The following PTPRD variants were observed in gnomAD, a reference collection of about 807,000 sequenced individuals.
PTPRD encodes the protein protein tyrosine phosphatase receptor type D, also known as receptor-type tyrosine-protein phosphatase delta.
In PTPRD, 34 loss-of-function variants were observed where a neutral mutation model predicts 214.5. That is an observed-to-expected ratio of 0.16 (90% CI 0.12 to 0.21). PTPRD has a LOEUF of 0.21. Ranked by LOEUF, PTPRD falls within the 10% of genes least tolerant of loss-of-function variation. The pLI is 1.00. For synonymous variants in PTPRD, 1,128 were observed against 845.7 expected (o/e 1.33, Z -5.79); for missense variants, 2,545 against 2,398.7 (o/e 1.06, Z -1.27).
At chr9:8,818,722 C>T (rs2096976143) in intron 11 of PTPRD, among the ~76,000 whole-genome samples, 3 of 152,190 alleles carry the variant, frequency 2.0e-5, no homozygotes, top group African/African-American at 7.2e-5. Flanking sequence ...GCTTCTTACG[C>T]ACATATTTAA....
intron 7 of PTPRD, among the ~76,000 whole-genome samples, 197 bp from the exon 8 acceptor site, chr9:9,574,978 T>G (rs2087933827): frequency 6.6e-6 from 1 of 152,164 alleles, no homozygotes; most frequent in African/African-American, 2.4e-5. Context: ...ATCAAAGTAT[T>G]GTGATTTGGG....
rs199801292 is a variant in PTPRD at position 10,141,359 on chromosome 9, C to G, written c.-544-107569G>C. On this transcript the variant is annotated intron_variant, in intron 3 of 45. Coordinates refer to ENST00000381196, the MANE Select transcript of PTPRD (RefSeq NM_002839.4). The stretch of plus-strand genomic sequence containing the variant: ...TTGTATATCTAGAAAACCCCATTGT[C>G]TCAGCCCAAAATCTCCTTAAGCTGA... Among the ~76,000 whole-genome samples, 206 of 152,216 alleles carry G rather than the reference C, an allele frequency of 1.4e-3. 4 individuals carry two copies. The East Asian group carries it at 0.038, about 28-fold the overall frequency.
chr9:10,285,839 G>A (rs1397283910), intron 3 of PTPRD, among the ~76,000 whole-genome samples: 1 of 151,794 alleles, frequency 6.6e-6, no homozygotes, highest in Admixed American at 6.6e-5. Context: ...TCGATCTCCT[G>A]ACCTCGCGAT....
At chr9:8,920,961 A>G (rs997649349) in intron 11 of PTPRD, among the ~76,000 whole-genome samples, 1 of 152,076 alleles carries the variant, frequency 6.6e-6, no homozygotes, top group Non-Finnish European at 1.5e-5. Flanking sequence ...TTACAGACGC[A>G]CGCCCCCACG....
chr9:10,007,575 C>A (rs973635168), intron 4 of PTPRD, among the ~76,000 whole-genome samples: 2 of 151,878 alleles, frequency 1.3e-5, no homozygotes, highest in Admixed American at 1.3e-4. Context: ...CTCACGAATG[C>A]CTTCTGGTCA....
intron 5 of PTPRD, among the ~76,000 whole-genome samples, chr9:9,784,680 T>A (rs1292856083): frequency 6.6e-6 from 1 of 151,944 alleles, no homozygotes. Context: ...TGTTCATTAG[T>A]GGAACTGTGC....
intron 10 of PTPRD, among the ~76,000 whole-genome samples, chr9:9,058,681 C>T (rs562977804): frequency 1.5e-3 from 234 of 151,142 alleles, no homozygotes; most frequent in Non-Finnish European, 2.5e-3. Flanking sequence ...GATCTCCTGA[C>T]CTCGTGATCC....
intron 10 of PTPRD, among the ~76,000 whole-genome samples, chr9:9,019,315 AGAAAGAAAGAAAGAAAGAAAGAAC>A (rs1246856570): frequency 0.041 from 4,786 of 115,676 alleles, 162 homozygotes; most frequent in African/African-American, 0.074. Flanking sequence ...AAAGAAAGAA[AGAAAGAAAGAAAGAAAGAAAGAAC>A]GAAAGAAAGA....
intron 3 of PTPRD, among the ~76,000 whole-genome samples, chr9:10,190,890 T>C (rs755751494): frequency 8.5e-5 from 13 of 152,086 alleles, no homozygotes; most frequent in Admixed American, 2.6e-4. Flanking sequence ...GCAGCCTCTC[T>C]AAGTAAATGT....
At chr9:9,916,410 A>T (rs1426537215) in intron 5 of PTPRD, among the ~76,000 whole-genome samples, 1 of 151,284 alleles carries the variant, frequency 6.6e-6, no homozygotes, top group Admixed American at 6.6e-5. Context: ...ACAAGAAATC[A>T]ATCAAATGAT....
chr9:8,487,500 G>A (rs1230297701), intron 27 of PTPRD, among the ~76,000 whole-genome samples: 1 of 152,038 alleles, frequency 6.6e-6, no homozygotes, highest in Non-Finnish European at 1.5e-5. Context: ...GAGCTGAGGT[G>A]GGAGGACTGC....
At chr9:9,339,205 C>T (rs1332162040) in intron 9 of PTPRD, among the ~76,000 whole-genome samples, 3 of 151,908 alleles carry the variant, frequency 2.0e-5, no homozygotes, top group African/African-American at 2.4e-5. Context: ...AGGCTAGGCG[C>T]GGTGGCTCAT....
chr9:8,877,203 G>T (rs1297857506), intron 11 of PTPRD, among the ~76,000 whole-genome samples: 1 of 152,110 alleles, frequency 6.6e-6, no homozygotes, highest in Non-Finnish European at 1.5e-5. Flanking sequence ...GGGATTAAAG[G>T]CGTGAACCAC....
intron 6 of PTPRD, among the ~76,000 whole-genome samples, chr9:9,762,424 A>G (rs1028067957): frequency 6.6e-6 from 1 of 152,126 alleles, no homozygotes; most frequent in African/African-American, 2.4e-5. Context: ...AAATTTTCCA[A>G]ATCTTTAGGT....
chr9:9,652,744 A>T (rs2096397282), intron 7 of PTPRD, among the ~76,000 whole-genome samples: 1 of 151,658 alleles, frequency 6.6e-6, no homozygotes, highest in South Asian at 2.1e-4. Flanking sequence ...CCTCCCAAGT[A>T]GCTGGGATTA....
chr9:9,839,803 G>C (rs1565668701), intron 5 of PTPRD, among the ~76,000 whole-genome samples: 1 of 151,918 alleles, frequency 6.6e-6, no homozygotes, highest in African/African-American at 2.4e-5. Flanking sequence ...TTTCAAACTT[G>C]CTGCATTTTT....
At chr9:8,697,594 C>T (rs113413378) in intron 12 of PTPRD, among the ~76,000 whole-genome samples, 1,703 of 150,982 alleles carry the variant, frequency 0.011, 28 homozygotes, top group African/African-American at 0.039. Context: ...GGCTAATTTT[C>T]GTATTTTTAG....
chr9:10,154,443 T>C (rs1022878217), intron 3 of PTPRD, among the ~76,000 whole-genome samples: 1 of 152,130 alleles, frequency 6.6e-6, no homozygotes, highest in Non-Finnish European at 1.5e-5. Context: ...GTTTCTTTTG[T>C]TGTGCAGAAG....
At chr9:9,412,328 C>A (rs1017058498) in intron 8 of PTPRD, among the ~76,000 whole-genome samples, 4 of 152,138 alleles carry the variant, frequency 2.6e-5, no homozygotes, top group Admixed American at 2.6e-4. Flanking sequence ...TCTCAAACAC[C>A]CATGCCTACT....
Sources: allele counts gnomAD v4.1 joint callset (sites outside exome capture counted in the v4.1 genomes callset), GRCh38; gene constraint gnomAD v4.1.1; transcripts MANE v1.5; gene names NCBI Gene and HGNC (gene_info 2026-07-23, HGNC 2026-07-21).